MYH15: variants seen among roughly 807,000 people sequenced by gnomAD.
MYH15 encodes myosin-15.
A neutral mutation model predicts 240.5 loss-of-function variants in MYH15; 227 were observed. The ratio of observed to expected loss-of-function variants is 0.94; its 90% CI spans 0.85 to 1.05. MYH15 has a LOEUF of 1.05. Ranked by LOEUF, MYH15 falls within the 50% of genes least tolerant of loss-of-function variation. The pLI is 0.00. For missense variants in MYH15, 2,217 were observed against 2,247.5 expected (o/e 0.99, Z 0.27); for synonymous variants, 785 against 796.7 (o/e 0.99, Z 0.25).
the MYH15 span, among the ~76,000 whole-genome samples, chr3:108,545,628 C>T: frequency 1.3e-5 from 2 of 151,658 alleles, no homozygotes; most frequent in South Asian, 2.1e-4. Flanking sequence ...CTTCTAGAAA[C>T]CAAAAAAGTC....
In MYH15 at chr3:108,499,369, C is replaced by A. The variant is rs190410733; in HGVS notation, c.524+86G>T. On this transcript the variant is annotated intron_variant, in intron 5 of 40. Transcript: ENST00000693548. ...GGCAATTAATTCAAAGATGGCGAAT[C>A]AAAGTTTTATTCCCAGTGAAATGGA... 60 of 1,361,358 alleles carry A rather than the reference C, an allele frequency of 4.4e-5. No individual in the cohort carries two copies. The Admixed American group carries it at 1.1e-3, about 24-fold the overall frequency. 84.3% of individuals were successfully genotyped at this position (1,361,358 alleles called of 1,614,324 possible).
Position 108,459,354 on chromosome 3 carries a change from G to A in MYH15, c.2020+8C>T, listed in dbSNP as rs1284343821. 2 of 1,546,134 alleles carry A rather than the reference G, an allele frequency of 1.3e-6. No individual in the cohort carries two copies. Among genetic ancestry groups the A allele is most frequent in the Admixed American group, 3.6e-5 (2 of 54,798 alleles). On this transcript the variant is annotated splice_region_variant and intron_variant, in intron 18 of 40. Coordinates refer to ENST00000693548, the MANE Select transcript of MYH15 (RefSeq NM_014981.3). The stretch of plus-strand genomic sequence containing the variant: ...CTAGTGTGAATTACAAAGAAATCTA[G>A]TTCTTACCTGGTATTTTGTTCACAT...
intron 5 of MYH15, among the ~76,000 whole-genome samples, chr3:108,498,623 C>G (rs756555437): frequency 1.2e-4 from 18 of 152,176 alleles, no homozygotes; most frequent in Non-Finnish European, 2.4e-4. Flanking sequence ...GGGAAGAGCA[C>G]AGTGGCAAAT....
At chr3:108,433,321 G>C (rs986473120) in intron 25 of MYH15, among the ~76,000 whole-genome samples, 13 of 152,202 alleles carry the variant, frequency 8.5e-5, no homozygotes, top group African/African-American at 3.1e-4. Flanking sequence ...ATTGTGTCTA[G>C]GAAATAACTA....
intron 19 of MYH15, 92 bp from the exon 20 acceptor site, chr3:108,455,951 G>T: frequency 7.9e-7 from 1 of 1,258,128 alleles, no homozygotes; most frequent in Non-Finnish European, 1.1e-6. Context: ...AGGAGACATA[G>T]ATTTTTATCT....
intron 21 of MYH15, among the ~76,000 whole-genome samples, chr3:108,453,755 T>A (rs779434564): frequency 2.0e-5 from 3 of 152,172 alleles, no homozygotes; most frequent in Non-Finnish European, 2.9e-5. Flanking sequence ...TCTCAGAACA[T>A]AAAAATCTCT....
At position 108,501,795 on chromosome 3, in the gene MYH15, C is replaced by T. The variant is rs1343488441; in HGVS notation, c.256G>A (p.Glu86Lys). The change falls in exon 3 of 41, where the codon GAA becomes AAA. Residue 86 changes from glutamate (E) to lysine (K), a missense_variant. Transcript: ENST00000693548. ...AGGTGAGTCAGCATTGCCATGTCTT[C>T]AATCATTTCAAACTCTGGAGGATTC... ...QMNPPEFEMI[E>K]DMAMLTHLNE... is the part of the protein sequence containing the mutation. 34 of 1,613,990 alleles carry T rather than the reference C, an allele frequency of 2.1e-5. No individual in the cohort carries two copies. The highest frequency in any genetic ancestry group is 2.8e-5 in the Non-Finnish European group (33 of 1,179,996).
chr3:108,481,873 C>T (rs1361784006), intron 11 of MYH15, among the ~76,000 whole-genome samples: 1 of 152,060 alleles, frequency 6.6e-6, no homozygotes, highest in Non-Finnish European at 1.5e-5. Flanking sequence ...GTGACAGGAA[C>T]GTGGGGTTTT....
At chr3:108,508,810 G>A (rs2083499586) in intron 1 of MYH15, among the ~76,000 whole-genome samples, 1 of 152,094 alleles carries the variant, frequency 6.6e-6, no homozygotes, top group African/African-American at 2.4e-5. Context: ...CTTTCGAATG[G>A]TGTTTTGTCC....
At chr3:108,494,452 T>C in intron 7 of MYH15, among the ~76,000 whole-genome samples, 1 of 152,128 alleles carries the variant, frequency 6.6e-6, no homozygotes, top group East Asian at 1.9e-4. Context: ...TCTACTTCTT[T>C]CCTTCTATCT....
chr3:108,435,317 G>T (rs1360139911), intron 25 of MYH15, among the ~76,000 whole-genome samples: 1 of 152,074 alleles, frequency 6.6e-6, no homozygotes, highest in Non-Finnish European at 1.5e-5. Flanking sequence ...ATTGTGGTAA[G>T]AACACTTAAC....
At chr3:108,396,347 G>GT (rs749443320) in intron 35 of MYH15, among the ~76,000 whole-genome samples, 15 of 129,208 alleles carry the variant, frequency 1.2e-4, no homozygotes, top group Middle Eastern at 3.7e-3. Flanking sequence ...AGCAGGGTTG[G>GT]GGGGAGACGG....
chr3:108,459,404 G>C lies in MYH15; in HGVS notation c.1978C>G (p.His660Asp), dbSNP rs2083052264. The change falls in exon 18 of 41, where the codon CAT becomes GAT. Residue 660 changes from histidine to aspartate, a missense_variant. His to Asp is a moderately conservative substitution (Grantham distance 81). Coordinates refer to ENST00000693548, the MANE Select transcript of MYH15 (RefSeq NM_014981.3). ...LMTNLKSTAP[H>D]FVRCINPNVN... ...TTGGGATTTATGCATCTCACAAAATGAGGTGCTGTTGATTTCAGATTAGTC... is the reference window on the plus strand; with the variant it reads ...TTGGGATTTATGCATCTCACAAAATCAGGTGCTGTTGATTTCAGATTAGTC... 6.2e-7 allele frequency: 1 copy of C among 1,604,780 alleles called. No individual in the cohort carries two copies. Among genetic ancestry groups the C allele is most frequent in the Non-Finnish European group, 8.5e-7 (1 of 1,176,878 alleles).
intron 17 of MYH15, among the ~76,000 whole-genome samples, 187 bp from the exon 18 acceptor site, chr3:108,459,636 C>T (rs2083054263): frequency 6.6e-6 from 1 of 152,120 alleles, no homozygotes; most frequent in Admixed American, 6.5e-5. Flanking sequence ...TATGGCAAGT[C>T]AATATTTATT....
At chr3:108,485,278 C>T (rs2083297012) in intron 10 of MYH15, 49 bp from the exon 11 acceptor site, 3 of 1,605,294 alleles carry the variant, frequency 1.9e-6, no homozygotes, top group Middle Eastern at 1.7e-4. Flanking sequence ...TTAATGGCTG[C>T]AGTGAGCACC....
intron 12 of MYH15, among the ~76,000 whole-genome samples, chr3:108,471,219 T>A (rs914716995): frequency 2.6e-5 from 4 of 152,090 alleles, no homozygotes; most frequent in Non-Finnish European, 5.9e-5. Context: ...AGAGGAATCA[T>A]GTTCCTATTA....
chr3:108,431,182 A>G (rs1158172274), intron 25 of MYH15, among the ~76,000 whole-genome samples: 1 of 152,246 alleles, frequency 6.6e-6, no homozygotes, highest in Non-Finnish European at 1.5e-5. Context: ...CATTTTGTTT[A>G]ATTATGTTTT....
intron 30 of MYH15, 98 bp downstream of exon 30, chr3:108,414,134 T>G: frequency 7.7e-7 from 1 of 1,300,352 alleles, no homozygotes; most frequent in Non-Finnish European, 1.1e-6. Flanking sequence ...GGCAAGGATT[T>G]GTTAAGTGCA....
At chr3:108,494,871 T>C (rs753835666) in intron 7 of MYH15, among the ~76,000 whole-genome samples, 15 of 152,194 alleles carry the variant, frequency 9.9e-5, no homozygotes, top group Non-Finnish European at 1.2e-4. Flanking sequence ...TTTTTTAAAA[T>C]GTTCTTTTTC....
Sources: gnomAD v4.1 joint callset for allele counts (sites outside exome capture counted in the v4.1 genomes callset) on GRCh38, gnomAD v4.1.1 for gene constraint, MANE v1.5 for transcripts, NCBI Gene and HGNC (gene_info 2026-07-23, HGNC 2026-07-21) for gene names.